Variants in FSIP1 observed in about 807,000 individuals in gnomAD.
FSIP1 encodes fibrous sheath interacting protein 1, also known as fibrous sheath-interacting protein 1.
Under a neutral mutation model 60.9 loss-of-function variants are expected in FSIP1, and 65 were observed. That is an observed-to-expected ratio of 1.07 (90% CI 0.87 to 1.31). FSIP1 has a LOEUF of 1.31. FSIP1 is among the 40% of genes most tolerant of loss of function. The pLI is 0.00. For missense variants in FSIP1, 675 were observed against 665.5 expected, an observed-to-expected ratio of 1.01 and a Z score of -0.16; for synonymous variants, 209 against 221.2, an observed-to-expected ratio of 0.94 and a Z score of 0.49.
intron 2 of FSIP1, among the ~76,000 whole-genome samples, chr15:39,774,494 T>C (rs960817746): frequency 2.0e-4 from 29 of 148,314 alleles, no homozygotes; most frequent in African/African-American, 6.7e-4. Flanking sequence ...AAAAAATACA[T>C]ACAGAGGAGC....
chr15:39,746,835 A>AG (rs35063656), intron 5 of FSIP1, among the ~76,000 whole-genome samples: 40,848 of 151,922 alleles, frequency 0.27, 6,690 homozygotes, highest in Non-Finnish European at 0.38. Context: ...AGGGGGAAGA[A>AG]GGGGGAACTG....
chr15:39,613,245 G>A (rs991453641), intron 11 of FSIP1, among the ~76,000 whole-genome samples: 8 of 151,994 alleles, frequency 5.3e-5, no homozygotes, highest in African/African-American at 7.2e-5. Flanking sequence ...AAAACAAAAC[G>A]AAAATGAAAT....
intron 11 of FSIP1, among the ~76,000 whole-genome samples, chr15:39,614,696 T>C (rs999102839): frequency 6.6e-6 from 1 of 150,402 alleles, no homozygotes; most frequent in Non-Finnish European, 1.5e-5. Context: ...CTGAAAGAAT[T>C]AATGGTTAAA....
chr15:39,613,394 A>G (rs1891104938), intron 11 of FSIP1, among the ~76,000 whole-genome samples: 1 of 146,306 alleles, frequency 6.8e-6, no homozygotes, highest in Non-Finnish European at 1.5e-5. Context: ...CATCCTGCCA[A>G]GGCTGAATCA....
chr15:39,697,103 G>A (rs938236291), intron 10 of FSIP1, among the ~76,000 whole-genome samples: 18 of 152,038 alleles, frequency 1.2e-4, no homozygotes, highest in Non-Finnish European at 2.6e-4. Flanking sequence ...AATTTAAACT[G>A]TAATCACATT....
At chr15:39,663,258 T>G (rs190888694) in intron 10 of FSIP1, among the ~76,000 whole-genome samples, 1 of 152,326 alleles carries the variant, frequency 6.6e-6, no homozygotes, top group Non-Finnish European at 1.5e-5. Context: ...CTTGTGTATA[T>G]GTTTTCAACA....
At chr15:39,703,888 A>G (rs929284992) in intron 10 of FSIP1, among the ~76,000 whole-genome samples, 3 of 152,254 alleles carry the variant, frequency 2.0e-5, no homozygotes, top group Non-Finnish European at 4.4e-5. Context: ...TCATTGCAGG[A>G]TAATTCATGA....
chr15:39,669,884 A>G (rs1019028633), intron 10 of FSIP1, among the ~76,000 whole-genome samples: 11 of 152,248 alleles, frequency 7.2e-5, no homozygotes, highest in African/African-American at 2.7e-4. Context: ...AAGGGATATT[A>G]GGCCCACTGC....
rs534704056 is a variant in FSIP1, at chr15:39,768,549, A to C, written c.310+1878T>G. ...TTAGTGAGAAGAGTGGTATTGTTTA[A>C]ATTTGTAATATCTGGATGAAGGGAA... On this transcript the variant is annotated intron_variant, in intron 3 of 11. Transcript: ENST00000350221. Among the ~76,000 whole-genome samples the C allele has an allele frequency of 2.6e-4, 40 of 152,346 alleles. No homozygotes were observed. The Middle Eastern group carries it at 0.014, about 52-fold the overall frequency.
intron 10 of FSIP1, among the ~76,000 whole-genome samples, chr15:39,689,688 T>A (rs542111686): frequency 2.0e-4 from 30 of 152,362 alleles, no homozygotes; most frequent in African/African-American, 5.8e-4. Flanking sequence ...AAAGACTAAA[T>A]ATGTATTTCT....
intron 10 of FSIP1, among the ~76,000 whole-genome samples, chr15:39,708,780 C>CATTAAG (rs1895380057): frequency 6.6e-6 from 1 of 152,222 alleles, no homozygotes; most frequent in Admixed American, 6.5e-5. Flanking sequence ...CTGTATGACA[C>CATTAAG]TGTTGACTCA....
intron 9 of FSIP1, among the ~76,000 whole-genome samples, chr15:39,718,352 T>A (rs894143107): frequency 1.3e-5 from 2 of 152,074 alleles, no homozygotes. Flanking sequence ...TCTGTGTGCG[T>A]ATAGAGAAAT....
intron 9 of FSIP1, among the ~76,000 whole-genome samples, chr15:39,718,578 C>A (rs1895839858): frequency 6.6e-6 from 1 of 151,142 alleles, no homozygotes; most frequent in Admixed American, 6.6e-5. Flanking sequence ...GCAGACTCGA[C>A]CTCCCAGGCT....
chr15:39,720,515 G>A (rs761395332), intron 9 of FSIP1, among the ~76,000 whole-genome samples: 1 of 152,092 alleles, frequency 6.6e-6, no homozygotes, highest in Non-Finnish European at 1.5e-5. Flanking sequence ...AAAATCTAAC[G>A]GTGAACTGGA....
chr15:39,684,400 C>T (rs751747292), intron 10 of FSIP1, among the ~76,000 whole-genome samples: 2 of 152,236 alleles, frequency 1.3e-5, no homozygotes, highest in East Asian at 1.9e-4. Flanking sequence ...CTGTCTCATT[C>T]GCTCACTCAA....
chr15:39,777,101 A>AT (rs796629708), intron 1 of FSIP1, among the ~76,000 whole-genome samples: 6,341 of 145,218 alleles, frequency 0.044, 241 homozygotes, highest in African/African-American at 0.11. Flanking sequence ...TAATTATAGT[A>AT]TTTTTTTTTT....
chr15:39,731,742 T>C (rs943228916), intron 8 of FSIP1, among the ~76,000 whole-genome samples: 4 of 152,098 alleles, frequency 2.6e-5, no homozygotes, highest in Non-Finnish European at 5.9e-5. Context: ...CCAGCAACCT[T>C]TATAGCCAGG....
chr15:39,680,285 G>A (rs2140485485), intron 10 of FSIP1, among the ~76,000 whole-genome samples: 1 of 152,320 alleles, frequency 6.6e-6, no homozygotes, highest in Non-Finnish European at 1.5e-5. Flanking sequence ...AGATAATAGA[G>A]CAGGAACCAG....
intron 11 of FSIP1, among the ~76,000 whole-genome samples, chr15:39,607,344 G>T (rs572208042): frequency 6.6e-6 from 1 of 152,130 alleles, no homozygotes; most frequent in Admixed American, 6.5e-5. Context: ...CTGCCCACCC[G>T]GATCATGACA....
Sources: gnomAD v4.1 joint callset for allele counts (sites outside exome capture counted in the v4.1 genomes callset) on GRCh38, gnomAD v4.1.1 for gene constraint, MANE v1.5 for transcripts, NCBI Gene and HGNC (gene_info 2026-07-23, HGNC 2026-07-21) for gene names.